TEX9: variants seen among roughly 807,000 people sequenced by gnomAD.
TEX9 encodes the protein testis-expressed protein 9.
TEX9 carries 74 observed loss-of-function variants against 59.6 expected under a neutral mutation model. The ratio of observed to expected loss-of-function variants is 1.24; its 90% CI spans 1.03 to 1.51. TEX9 has a LOEUF of 1.51. TEX9 is among the 40% of genes most tolerant of loss of function. The pLI, the probability that TEX9 is intolerant of heterozygous loss-of-function variation, is 0.00. For synonymous variants in TEX9, 186 were observed against 152.2 expected, an observed-to-expected ratio of 1.22 and a Z score of -1.64; for missense variants, 522 against 447.8, an observed-to-expected ratio of 1.17 and a Z score of -1.49.
intron 1 of TEX9, among the ~76,000 whole-genome samples, chr15:56,295,620 T>A (rs1321825322): frequency 3.9e-5 from 6 of 152,236 alleles, no homozygotes; most frequent in Admixed American, 3.9e-4. Context: ...CTTTTGCCTT[T>A]GTACCTAAAG....
In TEX9 at chr15:56,387,892, A is replaced by C. The variant is rs201641629; in HGVS notation, c.264-580A>C. 2.0e-5 allele frequency among the ~76,000 whole-genome samples: 3 copies of C among 151,992 alleles called. No homozygotes were observed. In the East Asian group the frequency reaches 5.8e-4, roughly 29 times the overall value. On this transcript the variant is annotated intron_variant, in intron 4 of 12. Coordinates refer to ENST00000352903, the Ensembl canonical transcript of TEX9. The stretch of plus-strand genomic sequence containing the variant: ...TAAACACTCCTTGTTTGAAACTACA[A>C]ATATATTTTGAAAACCTTGTGTATA...
upstream of TEX9, among the ~76,000 whole-genome samples, chr15:56,363,751 G>T (rs2046836097): frequency 1.3e-5 from 2 of 151,122 alleles, no homozygotes; most frequent in Non-Finnish European, 2.9e-5. Context: ...TTGCAGCCTT[G>T]ATCTCCCTGG....
chr15:56,353,154 C>T (rs962946619), intron 1 of TEX9, among the ~76,000 whole-genome samples: 1 of 152,040 alleles, frequency 6.6e-6, no homozygotes, highest in Non-Finnish European at 1.5e-5. Flanking sequence ...AATACCATGA[C>T]CACAGCTGAT....
chr15:56,339,777 A>T (rs1396586407), intron 1 of TEX9, among the ~76,000 whole-genome samples: 1 of 152,008 alleles, frequency 6.6e-6, no homozygotes, highest in Non-Finnish European at 1.5e-5. Context: ...AGCCTTCATG[A>T]ATGGGATTAG....
chr15:56,270,049 G>T (rs190903942), intron 1 of TEX9, among the ~76,000 whole-genome samples: 2 of 152,294 alleles, frequency 1.3e-5, no homozygotes, highest in East Asian at 3.9e-4. Flanking sequence ...ATTTGCTGAG[G>T]AGTGCTTTAC....
At chr15:56,449,552 C>T (rs2050933697), downstream of TEX9, among the ~76,000 whole-genome samples, 1 of 152,150 alleles carries the variant, frequency 6.6e-6, no homozygotes, top group Admixed American at 6.5e-5. Context: ...GATTAGTCTA[C>T]AGGTTTCTCA....
At chr15:56,278,974 A>G (rs912318844) in intron 1 of TEX9, among the ~76,000 whole-genome samples, 7 of 152,124 alleles carry the variant, frequency 4.6e-5, no homozygotes, top group African/African-American at 1.7e-4. Context: ...TTGCTTCTAC[A>G]TTACTCTAAT....
chr15:56,286,584 A>G (rs1434182361), intron 1 of TEX9, among the ~76,000 whole-genome samples: 1 of 152,208 alleles, frequency 6.6e-6, no homozygotes, highest in Admixed American at 6.5e-5. Flanking sequence ...ATAGGACAAC[A>G]GACTTCAGCG....
chr15:56,445,959 A>G (rs1280381836), downstream of TEX9: 9 of 152,016 alleles, frequency 5.9e-5, no homozygotes, highest in Admixed American at 5.9e-4. Context: ...ACCTTTTCTT[A>G]TCACCTGCCA....
At chr15:56,394,920 C>G in intron 9 of TEX9, 86 bp downstream of exon 9, 2 of 1,286,632 alleles carry the variant, frequency 1.6e-6, no homozygotes, top group Non-Finnish European at 2.1e-6. Flanking sequence ...GCCATTTTGA[C>G]AGTTCAGTTA....
At chr15:56,246,176 A>C (rs903418497) in intron 1 of TEX9, among the ~76,000 whole-genome samples, 4 of 152,172 alleles carry the variant, frequency 2.6e-5, no homozygotes, top group Admixed American at 2.0e-4. Context: ...GAGCCAGGTC[A>C]CCCCAGCAGC....
At chr15:56,309,658 T>C (rs553281521) in intron 1 of TEX9, among the ~76,000 whole-genome samples, 153 of 149,198 alleles carry the variant, frequency 1.0e-3, no homozygotes, top group Non-Finnish European at 9.3e-4. Context: ...TGGAATTTAT[T>C]GGTAAAGCAT....
At chr15:56,405,891 G>A (rs2049053233) in intron 9 of TEX9, among the ~76,000 whole-genome samples, 1 of 151,838 alleles carries the variant, frequency 6.6e-6, no homozygotes, top group Admixed American at 6.6e-5. Context: ...AAAACAGAAA[G>A]CATTTTACTT....
intron 1 of TEX9, among the ~76,000 whole-genome samples, chr15:56,339,745 G>A (rs1351169564): frequency 2.0e-5 from 3 of 152,016 alleles, no homozygotes; most frequent in African/African-American, 4.8e-5. Context: ...GCCATTATTA[G>A]GTGATTAGGT....
At chr15:56,321,525 G>A (rs2045903036) in intron 1 of TEX9, among the ~76,000 whole-genome samples, 1 of 152,138 alleles carries the variant, frequency 6.6e-6, no homozygotes, top group Non-Finnish European at 1.5e-5. Context: ...TTAGTATTAA[G>A]GCCATTATAT....
At chr15:56,280,235 T>C (rs1198062720) in intron 1 of TEX9, among the ~76,000 whole-genome samples, 1 of 152,178 alleles carries the variant, frequency 6.6e-6, no homozygotes, top group Non-Finnish European at 1.5e-5. Flanking sequence ...TATATAAATA[T>C]TGAGAGAAGA....
chr15:56,455,400 T>G, the TEX9 span, among the ~76,000 whole-genome samples: 1 of 152,064 alleles, frequency 6.6e-6, no homozygotes, highest in Non-Finnish European at 1.5e-5. Flanking sequence ...AGAATCTGAT[T>G]AGAGTTGTGG....
chr15:56,436,236 C>G (rs937644939), intron 12 of TEX9, among the ~76,000 whole-genome samples: 15 of 152,108 alleles, frequency 9.9e-5, no homozygotes, highest in African/African-American at 3.6e-4. Flanking sequence ...TGTAAAAGAA[C>G]AGAAATTATA....
chr15:56,384,517 G>A (rs1460663937), intron 4 of TEX9, among the ~76,000 whole-genome samples: 1 of 152,158 alleles, frequency 6.6e-6, no homozygotes, highest in African/African-American at 2.4e-5. Flanking sequence ...TGTGGACCAT[G>A]TAGAAAAAAG....
Sources: allele counts gnomAD v4.1 joint callset (sites outside exome capture counted in the v4.1 genomes callset), GRCh38; gene constraint gnomAD v4.1.1; transcripts MANE v1.5; gene names NCBI Gene and HGNC (gene_info 2026-07-23, HGNC 2026-07-21).